The following CLSTN2 variants were observed in gnomAD, a reference collection of about 807,000 sequenced individuals.
The protein encoded by CLSTN2 is calsyntenin-2.
Under a neutral mutation model 101.2 loss-of-function variants are expected in CLSTN2, and 48 were observed. That is an observed-to-expected ratio of 0.47 (90% confidence interval 0.38 to 0.60). The LOEUF is 0.60. Among genes scored for constraint, CLSTN2 ranks in the 20% least tolerant of loss-of-function variants. The pLI, the probability that CLSTN2 is intolerant of heterozygous loss-of-function variation, is 0.00. For missense variants in CLSTN2, 1,160 were observed against 1,238.2 expected, an observed-to-expected ratio of 0.94 and a Z score of 0.95; for synonymous variants, 481 against 463.6, an observed-to-expected ratio of 1.04 and a Z score of -0.48.
In CLSTN2 at chr3:140,205,837, T is replaced by C. The variant is rs969120379; in HGVS notation, c.232+29764T>C. 5.3e-5 allele frequency among the ~76,000 whole-genome samples: 8 copies of C among 152,166 alleles called. No homozygotes were observed. The South Asian group carries it at 6.2e-4, about 12-fold the overall frequency. On this transcript the variant is annotated intron_variant, in intron 2 of 16. Coordinates refer to ENST00000458420, the MANE Select transcript of CLSTN2 (RefSeq NM_022131.3). Reference sequence around the variant, plus strand: ...GATCAAGGCAGACAGCCATGACTCATGAAGCTCCAGACCAGCAGTCCCCAC... The same window carrying C: ...GATCAAGGCAGACAGCCATGACTCACGAAGCTCCAGACCAGCAGTCCCCAC...
Position 140,193,434 on chromosome 3 carries a change from CT to C in CLSTN2, c.232+17365del, listed in dbSNP as rs1186500987. Among the ~76,000 whole-genome samples, 3 of 151,604 alleles carry C rather than the reference CT, an allele frequency of 2.0e-5. No homozygotes were observed. In the South Asian group the frequency reaches 6.2e-4, roughly 31 times the overall value. On this transcript the variant is annotated intron_variant, in intron 2 of 16. Transcript: ENST00000458420. The stretch of plus-strand genomic sequence containing the variant: ...GATATAGGATTCTGGGTTGAAAATT[CT>C]TTTCTTTCACCACCTGAAAAATGTT...
chr3:139,973,591 G>T (rs1935755505), intron 1 of CLSTN2, among the ~76,000 whole-genome samples: 1 of 151,768 alleles, frequency 6.6e-6, no homozygotes, highest in Non-Finnish European at 1.5e-5. Context: ...CTGCCTGGCT[G>T]GGAAAAAATG....
chr3:140,441,906 T>A (rs557247736), intron 5 of CLSTN2, among the ~76,000 whole-genome samples: 34 of 152,300 alleles, frequency 2.2e-4, no homozygotes, highest in African/African-American at 7.9e-4. Context: ...CTGCACCTTC[T>A]GAGACATGGC....
At chr3:140,558,553 T>C in intron 11 of CLSTN2, 87 bp from the exon 12 acceptor site, 2 of 1,035,070 alleles carry the variant, frequency 1.9e-6, no homozygotes, top group Non-Finnish European at 2.9e-6. Flanking sequence ...TGTTAAGAAC[T>C]GGAGGTGGCA....
chr3:140,426,291 T>C (rs533828030), intron 5 of CLSTN2, among the ~76,000 whole-genome samples: 14 of 152,302 alleles, frequency 9.2e-5, no homozygotes, highest in Admixed American at 2.6e-4. Flanking sequence ...CCCTGCCACC[T>C]GACAGGCCCC....
intron 8 of CLSTN2, among the ~76,000 whole-genome samples, chr3:140,473,848 C>A (rs1006831574): frequency 3.3e-5 from 5 of 152,076 alleles, no homozygotes; most frequent in African/African-American, 1.2e-4. Flanking sequence ...AGCTCCGCCT[C>A]CCGGGCTCAC....
In CLSTN2 at chr3:140,566,066, C is replaced by G. The variant is rs144623740; in HGVS notation, c.2681C>G (p.Pro894Arg). The change falls in exon 17 of 17, where the codon CCA becomes CGA. Residue 894 changes from proline to arginine, a missense_variant. Coordinates refer to ENST00000458420, the MANE Select transcript of CLSTN2 (RefSeq NM_022131.3). ...TVNPMEKHEG[P>R]GHGEDETEGE... ...CTTGATATCCAGAAACATGAAGGACCAGGGCATGGGGAAGATGAGACTGAG... is the reference window on the plus strand; with the variant it reads ...CTTGATATCCAGAAACATGAAGGACGAGGGCATGGGGAAGATGAGACTGAG... 10 of 1,613,786 alleles carry G rather than the reference C, an allele frequency of 6.2e-6. No individual in the cohort carries two copies. Among genetic ancestry groups the G allele is most frequent in the Non-Finnish European group, 7.6e-6 (9 of 1,179,822 alleles).
At chr3:140,483,333 T>C (rs1934167305) in intron 8 of CLSTN2, among the ~76,000 whole-genome samples, 1 of 152,230 alleles carries the variant, frequency 6.6e-6, no homozygotes, top group South Asian at 2.1e-4. Context: ...TCTGTTCTTT[T>C]ATATTTGCTG....
intron 2 of CLSTN2, among the ~76,000 whole-genome samples, chr3:140,362,334 G>A (rs1559848812): frequency 2.6e-5 from 4 of 152,154 alleles, no homozygotes; most frequent in East Asian, 1.9e-4. Flanking sequence ...TAACTTATAC[G>A]TAAAACATAA....
chr3:140,286,678 T>C (rs56859426), intron 2 of CLSTN2, among the ~76,000 whole-genome samples: 9,271 of 152,162 alleles, frequency 0.061, 336 homozygotes, highest in Non-Finnish European at 0.081. Flanking sequence ...CAGCTCAGAG[T>C]GTGGTGGGGA....
chr3:140,113,600 T>C (rs934672553), intron 1 of CLSTN2, among the ~76,000 whole-genome samples: 1 of 152,136 alleles, frequency 6.6e-6, no homozygotes, highest in Non-Finnish European at 1.5e-5. Context: ...GGGTTTAGGG[T>C]TTCAGTCACA....
At chr3:140,014,138 G>A (rs184552978) in intron 1 of CLSTN2, among the ~76,000 whole-genome samples, 5 of 152,348 alleles carry the variant, frequency 3.3e-5, no homozygotes, top group Non-Finnish European at 4.4e-5. Context: ...CTAGGTCAGT[G>A]TTGCCCTTTG....
intron 1 of CLSTN2, among the ~76,000 whole-genome samples, chr3:140,157,339 A>G (rs1362201251): frequency 1.3e-5 from 2 of 152,170 alleles, no homozygotes; most frequent in Non-Finnish European, 2.9e-5. Context: ...TATGTCTGGT[A>G]GAATTCAGCT....
intron 1 of CLSTN2, among the ~76,000 whole-genome samples, chr3:140,128,865 G>A (rs543362346): frequency 1.1e-4 from 16 of 152,228 alleles, no homozygotes; most frequent in African/African-American, 3.4e-4. Flanking sequence ...GGTGCTGTCC[G>A]GTTCAGAGAC....
intron 2 of CLSTN2, among the ~76,000 whole-genome samples, chr3:140,282,207 G>T (rs1444422520): frequency 6.6e-6 from 1 of 152,182 alleles, no homozygotes; most frequent in African/African-American, 2.4e-5. Flanking sequence ...TTACAAAATA[G>T]CTTGGCTTTG....
At chr3:140,242,735 T>C in intron 2 of CLSTN2, among the ~76,000 whole-genome samples, 1 of 152,196 alleles carries the variant, frequency 6.6e-6, no homozygotes, top group South Asian at 2.1e-4. Context: ...TGCCTGTGTC[T>C]GGCATTCACA....
At chr3:140,185,386 A>G (rs1289168027) in intron 2 of CLSTN2, among the ~76,000 whole-genome samples, 1 of 152,222 alleles carries the variant, frequency 6.6e-6, no homozygotes, top group African/African-American at 2.4e-5. Flanking sequence ...AGAACACTTT[A>G]GAAGACTCAA....
intron 1 of CLSTN2, among the ~76,000 whole-genome samples, chr3:140,016,037 C>T (rs1334838225): frequency 6.6e-6 from 1 of 152,216 alleles, no homozygotes; most frequent in Admixed American, 6.5e-5. Context: ...GCCAGATAAG[C>T]AGTCTGTAGT....
intron 2 of CLSTN2, among the ~76,000 whole-genome samples, chr3:140,226,354 G>A (rs2086320083): frequency 6.6e-6 from 1 of 152,158 alleles, no homozygotes; most frequent in African/African-American, 2.4e-5. Context: ...TTTGCAAGAT[G>A]TTATCACTGG....
Sources: gnomAD v4.1 joint callset for allele counts (sites outside exome capture counted in the v4.1 genomes callset) on GRCh38, gnomAD v4.1.1 for gene constraint, MANE v1.5 for transcripts, NCBI Gene and HGNC (gene_info 2026-07-23, HGNC 2026-07-21) for gene names.